TSPAN2: variants seen among roughly 807,000 people sequenced by gnomAD.
The protein encoded by TSPAN2 is tetraspanin 2, also known as tetraspanin-2.
Under a neutral mutation model 33.3 loss-of-function variants are expected in TSPAN2, and 24 were observed. The observed-to-expected ratio is 0.72, with a 90% CI of 0.52 to 1.01. The LOEUF (loss-of-function observed/expected upper bound fraction) is 1.01, where lower values mean the gene tolerates loss of function less well. Among genes scored for constraint, TSPAN2 ranks in the 50% least tolerant of loss-of-function variants. The probability of loss-of-function intolerance (pLI) is 0.00; values close to 1 mark genes in which losing one functional copy is unlikely to be tolerated. For synonymous variants in TSPAN2, 114 were observed against 104.5 expected (o/e 1.09, Z -0.56); for missense variants, 278 against 281.3 (o/e 0.99, Z 0.08).
At position 115,065,474 on chromosome 1, in the gene TSPAN2, T is replaced by C. The variant is rs529557585; in HGVS notation, c.173-3242A>G. Reference sequence around the variant, plus strand: ...GTCCTATTGCCTTTGATTTGAAAAATAGAAAACATTTTGAAATTACATTTT... The same window carrying C: ...GTCCTATTGCCTTTGATTTGAAAAACAGAAAACATTTTGAAATTACATTTT... On this transcript the variant is annotated intron_variant, in intron 2 of 7. Transcript: ENST00000369516. 7.9e-5 allele frequency among the ~76,000 whole-genome samples: 12 copies of C among 152,274 alleles called. 1 individual carries two copies. The highest frequency in any genetic ancestry group is 3.9e-4 in the Admixed American group (6 of 15,304).
chr1:115,048,231 T>C lies in TSPAN2; in HGVS notation c.*2259A>G, dbSNP rs1289915630. 5 of 149,992 alleles carry C rather than the reference T, an allele frequency of 3.3e-5. No homozygotes were observed. Among genetic ancestry groups the C allele is most frequent in the Admixed American group, 6.7e-5 (1 of 14,966 alleles). The allele number at this position is 149,992 out of a possible 1,614,324, so 9.3% of individuals were successfully genotyped here. On this transcript the variant is annotated 3_prime_UTR_variant, in exon 8 of 8. Coordinates refer to ENST00000369516, the MANE Select transcript of TSPAN2 (RefSeq NM_005725.6). ...CATACATGTATATATTCAAATTATA[T>C]ACATATAAAGATATTTGTAGATTCA...
intron 3 of TSPAN2, among the ~76,000 whole-genome samples, chr1:115,061,526 C>A (rs757051463): frequency 6.6e-6 from 1 of 152,178 alleles, no homozygotes; most frequent in Non-Finnish European, 1.5e-5. Flanking sequence ...AGCTGCCTCA[C>A]CCACTGTGAA....
intron 1 of TSPAN2, among the ~76,000 whole-genome samples, chr1:115,075,424 G>T (rs1648365957): frequency 6.6e-6 from 1 of 152,168 alleles, no homozygotes; most frequent in Non-Finnish European, 1.5e-5. Flanking sequence ...GGTTGATGCT[G>T]CTTGTGACAA....
intron 1 of TSPAN2, among the ~76,000 whole-genome samples, chr1:115,087,218 C>T (rs1570988740): frequency 6.6e-6 from 1 of 152,060 alleles, no homozygotes; most frequent in Non-Finnish European, 1.5e-5. Flanking sequence ...TGTGCCCGGC[C>T]TGAGAATTTG....
chr1:115,072,280 G>C (rs930546278), intron 2 of TSPAN2, among the ~76,000 whole-genome samples: 9 of 151,900 alleles, frequency 5.9e-5, no homozygotes, highest in Non-Finnish European at 1.2e-4. Context: ...CTTCCTGCTG[G>C]AACCTCTTCC....
chr1:115,055,433 T>C (rs932439584), intron 6 of TSPAN2, among the ~76,000 whole-genome samples: 2 of 152,170 alleles, frequency 1.3e-5, no homozygotes, highest in Non-Finnish European at 1.5e-5. Flanking sequence ...TAGGTCATTC[T>C]TTATATTCAA....
intron 2 of TSPAN2, among the ~76,000 whole-genome samples, chr1:115,066,145 CTG>C (rs1270874590): frequency 6.6e-5 from 10 of 152,302 alleles, no homozygotes; most frequent in African/African-American, 2.4e-4. Flanking sequence ...ATCCATCCAT[CTG>C]CTGATGGACA....
chr1:115,061,880 C>A (rs1413866676), intron 3 of TSPAN2, among the ~76,000 whole-genome samples: 1 of 152,064 alleles, frequency 6.6e-6, no homozygotes, highest in Non-Finnish European at 1.5e-5. Context: ...TCTTAAACTC[C>A]TGGGCTCCAG....
At chr1:115,085,923 A>T (rs1648815703) in intron 1 of TSPAN2, among the ~76,000 whole-genome samples, 1 of 152,158 alleles carries the variant, frequency 6.6e-6, no homozygotes, top group Non-Finnish European at 1.5e-5. Flanking sequence ...TACAGCTATG[A>T]GCAAAACAGA....
chr1:115,056,409 T>C (rs1017453188), intron 6 of TSPAN2, among the ~76,000 whole-genome samples: 1 of 152,182 alleles, frequency 6.6e-6, no homozygotes, highest in Non-Finnish European at 1.5e-5. Context: ...GTTGGTTCCT[T>C]GCATGCTAAA....
intron 6 of TSPAN2, among the ~76,000 whole-genome samples, chr1:115,055,672 T>C (rs976838225): frequency 1.3e-4 from 20 of 152,082 alleles, no homozygotes; most frequent in African/African-American, 4.6e-4. Context: ...CACAGGCACA[T>C]GCCACCACGC....
chr1:115,051,829 T>G (rs1675324444), intron 7 of TSPAN2, among the ~76,000 whole-genome samples: 1 of 152,196 alleles, frequency 6.6e-6, no homozygotes, highest in African/African-American at 2.4e-5. Flanking sequence ...CGACACCCAA[T>G]GCACTTTTAG....
chr1:115,084,624 G>T (rs1648761989), intron 1 of TSPAN2, among the ~76,000 whole-genome samples: 2 of 152,210 alleles, frequency 1.3e-5, no homozygotes, highest in Non-Finnish European at 2.9e-5. Context: ...CCTCCAGCGA[G>T]GCTGAGAACA....
At chr1:115,086,175 C>T (rs1164816706) in intron 1 of TSPAN2, among the ~76,000 whole-genome samples, 1 of 152,136 alleles carries the variant, frequency 6.6e-6, no homozygotes, top group Admixed American at 6.5e-5. Context: ...TTACTATGTC[C>T]TAGGCTCATA....
intron 7 of TSPAN2, 117 bp downstream of exon 7, chr1:115,053,262 G>A (rs1446868252): frequency 2.4e-6 from 2 of 819,242 alleles, no homozygotes; most frequent in East Asian, 2.7e-5. Context: ...GTGAACAAAG[G>A]TCTTTTTTCT....
In TSPAN2 at chr1:115,053,414, T is replaced by A. The variant is rs748445184; in HGVS notation, c.565A>T (p.Ile189Phe). Residue 189 changes from isoleucine to phenylalanine, a missense_variant, in exon 7 of 8, where the codon ATT becomes TTT. Transcript: ENST00000369516. Reference protein sequence around the residue: ...ETIISVKLQLIGIVGIGIAGL... With the variant: ...ETIISVKLQLFGIVGIGIAGL... ...GCAATTCCAATACCGACAATTCCAA[T>A]GAGCTGGAGCTTAACACTGATTATG... is the stretch of plus-strand genomic sequence containing the variant. The A allele has an allele frequency of 3.7e-6, 6 of 1,613,994 alleles. No homozygotes were observed. Among genetic ancestry groups the A allele is most frequent in the Non-Finnish European group, 3.4e-6 (4 of 1,179,898 alleles).
intron 1 of TSPAN2, among the ~76,000 whole-genome samples, chr1:115,077,651 T>C (rs945280392): frequency 6.6e-6 from 1 of 152,252 alleles, no homozygotes. Flanking sequence ...AAAAAAGTCA[T>C]CGTGCATGAA....
chr1:115,050,661 C>T, intron 7 of TSPAN2, 106 bp from the exon 8 acceptor site: 1 of 818,578 alleles, frequency 1.2e-6, no homozygotes, highest in South Asian at 1.5e-5. Flanking sequence ...ATAATTATAA[C>T]CAATAATTAC....
At chr1:115,052,550 G>C (rs759356526) in intron 7 of TSPAN2, among the ~76,000 whole-genome samples, 2 of 151,972 alleles carry the variant, frequency 1.3e-5, no homozygotes, top group African/African-American at 4.8e-5. Context: ...CCTTTCAAAG[G>C]GGCATACAAA....
Sources: gnomAD v4.1 joint callset for allele counts (sites outside exome capture counted in the v4.1 genomes callset) on GRCh38, gnomAD v4.1.1 for gene constraint, MANE v1.5 for transcripts, NCBI Gene and HGNC (gene_info 2026-07-23, HGNC 2026-07-21) for gene names.